SHROOM2: variants seen among roughly 807,000 people sequenced by gnomAD.
SHROOM2 encodes shroom family member 2.
A neutral mutation model predicts 75.9 loss-of-function variants in SHROOM2; 33 were observed. The observed-to-expected ratio is 0.43, with a 90% confidence interval of 0.33 to 0.58. SHROOM2 has a LOEUF of 0.58. Among genes scored for constraint, SHROOM2 ranks in the 20% least tolerant of loss-of-function variants. The pLI is 0.04. For synonymous variants in SHROOM2, 655 were observed against 663.6 expected (o/e 0.99, Z 0.20); for missense variants, 1,434 against 1,461.2 (o/e 0.98, Z 0.30).
At chrX:9,878,674 C>T (rs893004652) in intron 2 of SHROOM2, among the ~76,000 whole-genome samples, 1 of 111,663 alleles carries the variant, frequency 9.0e-6, no homozygotes, top group African/African-American at 3.3e-5. Flanking sequence ...AGCTGCTACT[C>T]GCAACGGTGG....
In SHROOM2 at chrX:9,937,164, G is replaced by T. The variant is rs150051019; in HGVS notation, c.3618G>T (p.Thr1206=). Residue 1206 remains threonine, a synonymous_variant, in exon 7 of 10, where the codon ACG becomes ACT. Transcript: ENST00000380913. ...AGCGGGTGATGGACAACAACACCAC[G>T]GTGAAGATGGTGCCCATCAAGATCG... ...RIERVMDNNT[T]VKMVPIKIVH... 1 of 1,198,824 alleles carries T rather than the reference G, an allele frequency of 8.3e-7. No homozygotes were observed. The highest frequency in any genetic ancestry group is 1.1e-6 in the Non-Finnish European group (1 of 889,607).
intron 1 of SHROOM2, among the ~76,000 whole-genome samples, chrX:9,828,201 G>A (rs1363556950): frequency 8.9e-6 from 1 of 112,337 alleles, no homozygotes; most frequent in African/African-American, 3.2e-5. Context: ...CAGATCTTGT[G>A]AGAACTCACT....
At position 9,932,481 on chromosome X, in the gene SHROOM2, G is replaced by A. The variant is rs2147054140; in HGVS notation, c.3198G>A (p.Pro1066=). Residue 1066 remains proline, a synonymous_variant, in exon 6 of 10, where the codon CCG becomes CCA. Coordinates refer to ENST00000380913, the MANE Select transcript of SHROOM2 (RefSeq NM_001649.4). ...LSKRPAPQRP[P]PPKREPRRYR... is the part of the protein sequence containing the mutation. ...AGAGGCCAGCCCCACAGAGGCCACC[G>A]CCACCCAAGCGCGAGCCCAGGAGAT... The A allele has an allele frequency of 3.3e-6, 4 of 1,207,395 alleles. No individual in the cohort carries two copies. The highest frequency in any genetic ancestry group is 3.5e-5 in the South Asian group (2 of 56,461).
intron 1 of SHROOM2, among the ~76,000 whole-genome samples, chrX:9,792,139 T>C (rs1267157103): frequency 4.5e-4 from 5 of 11,041 alleles, no homozygotes; most frequent in Non-Finnish European, 1.7e-3. Context: ...TAGAATAGAA[T>C]AGAATAGAAT....
At chrX:9,940,717 C>T (rs1210252209) in intron 8 of SHROOM2, among the ~76,000 whole-genome samples, 1 of 112,510 alleles carries the variant, frequency 8.9e-6, no homozygotes, top group African/African-American at 3.2e-5. Context: ...CGTGCACAGG[C>T]GGAGGCGTGT....
intron 1 of SHROOM2, among the ~76,000 whole-genome samples, chrX:9,822,078 G>A (rs2083856079): frequency 8.9e-6 from 1 of 112,608 alleles, no homozygotes; most frequent in South Asian, 3.7e-4. Flanking sequence ...TTCTTCAGTG[G>A]CCCTGAATTC....
At chrX:9,841,092 A>T (rs1295984337) in intron 1 of SHROOM2, among the ~76,000 whole-genome samples, 1 of 111,413 alleles carries the variant, frequency 9.0e-6, no homozygotes, top group Non-Finnish European at 1.9e-5. Flanking sequence ...AGTAACTGGG[A>T]TTACAGGCAT....
intron 2 of SHROOM2, among the ~76,000 whole-genome samples, chrX:9,876,959 C>A (rs1370782031): frequency 8.9e-6 from 1 of 112,300 alleles, no homozygotes; most frequent in Non-Finnish European, 1.9e-5. Flanking sequence ...CCTGGCCTCT[C>A]CATGGTTTTT....
chrX:9,853,080 A>T (rs1030146661), intron 1 of SHROOM2, among the ~76,000 whole-genome samples: 6 of 111,483 alleles, frequency 5.4e-5, no homozygotes, highest in South Asian at 3.8e-4. Flanking sequence ...TTTTATATAG[A>T]TGTATTTCTT....
chrX:9,932,012 C>T (rs980251927), intron 5 of SHROOM2, among the ~76,000 whole-genome samples, 163 bp from the exon 6 acceptor site: 23 of 110,593 alleles, frequency 2.1e-4, no homozygotes, highest in African/African-American at 7.6e-4. Flanking sequence ...TCACGACTCC[C>T]CACCTTGCAT....
chrX:9,924,869 G>C (rs2084579634), intron 5 of SHROOM2, among the ~76,000 whole-genome samples: 1 of 110,476 alleles, frequency 9.1e-6, no homozygotes, highest in African/African-American at 3.3e-5. Context: ...ACTGGGTCTT[G>C]CTATGTTGTT....
At chrX:9,839,535 C>T (rs1373133997) in intron 1 of SHROOM2, among the ~76,000 whole-genome samples, 1 of 111,175 alleles carries the variant, frequency 9.0e-6, no homozygotes, top group Non-Finnish European at 1.9e-5. Context: ...TGCCTGTGTC[C>T]CCAGCCCAAG....
At chrX:9,831,729 C>T (rs1305020419) in intron 1 of SHROOM2, among the ~76,000 whole-genome samples, 2 of 111,775 alleles carry the variant, frequency 1.8e-5, no homozygotes, top group African/African-American at 3.3e-5. Context: ...AATCCAAGAT[C>T]GAGGCGTGGC....
intron 1 of SHROOM2, among the ~76,000 whole-genome samples, chrX:9,811,520 C>T (rs2083791433): frequency 8.9e-6 from 1 of 112,106 alleles, no homozygotes; most frequent in Non-Finnish European, 1.9e-5. Flanking sequence ...CCACATACCT[C>T]ATCCCCGAAT....
chrX:9,859,107 G>A (rs2084088874), intron 1 of SHROOM2, among the ~76,000 whole-genome samples: 2 of 110,916 alleles, frequency 1.8e-5, no homozygotes, highest in South Asian at 3.8e-4. Context: ...TCAGCTACTC[G>A]GGAGGCTGAG....
At chrX:9,849,129 G>A (rs1283089246) in intron 1 of SHROOM2, among the ~76,000 whole-genome samples, 1 of 111,666 alleles carries the variant, frequency 9.0e-6, no homozygotes, top group African/African-American at 3.3e-5. Context: ...ATCCCAGGGC[G>A]GCCTCCTTTG....
intron 8 of SHROOM2, among the ~76,000 whole-genome samples, chrX:9,942,666 T>A (rs192565550): frequency 1.4e-3 from 153 of 111,938 alleles, no homozygotes; most frequent in African/African-American, 4.7e-3. Context: ...TTCCATGCCC[T>A]CCCTGGGTGC....
At chrX:9,928,242 TC>T (rs2084614169) in intron 5 of SHROOM2, among the ~76,000 whole-genome samples, 2 of 112,338 alleles carry the variant, frequency 1.8e-5, no homozygotes, top group East Asian at 5.6e-4. Context: ...GCCGGCCCTC[TC>T]CCCTCTGGGA....
At chrX:9,872,689 G>GC (rs1446325192) in intron 1 of SHROOM2, among the ~76,000 whole-genome samples, 1 of 112,183 alleles carries the variant, frequency 8.9e-6, no homozygotes, top group Non-Finnish European at 1.9e-5. Context: ...AACATACACG[G>GC]CATGGTATAA....
Sources: gnomAD v4.1 joint callset for allele counts (sites outside exome capture counted in the v4.1 genomes callset) on GRCh38, gnomAD v4.1.1 for gene constraint, MANE v1.5 for transcripts, NCBI Gene and HGNC (gene_info 2026-07-23, HGNC 2026-07-21) for gene names.